The following HIPK3 variants were observed in gnomAD, a reference collection of about 807,000 sequenced individuals.
The protein encoded by HIPK3 is homeodomain interacting protein kinase 3.
Under a neutral mutation model 124.2 loss-of-function variants are expected in HIPK3, and 47 were observed. That is an observed-to-expected ratio of 0.38 (90% CI 0.30 to 0.48). The LOEUF (loss-of-function observed/expected upper bound fraction) is 0.48, where lower values mean the gene tolerates loss of function less well. HIPK3 is among the 20% of genes least tolerant of loss of function. The pLI is 0.98. For missense variants in HIPK3, 1,286 were observed against 1,454.3 expected, an observed-to-expected ratio of 0.88 and a Z score of 1.88; for synonymous variants, 482 against 515.2, an observed-to-expected ratio of 0.94 and a Z score of 0.87.
Position 33,306,354 on chromosome 11 carries a change from GA to G in HIPK3, c.1097+18849del, listed in dbSNP as rs879913019. The stretch of plus-strand genomic sequence containing the variant: ...ATACCATTTTCAAACAAAATACTTA[GA>G]AAAAATAAATTCATTGAGGGAATTT... On this transcript the variant is annotated intron_variant, in intron 2 of 16. Coordinates refer to ENST00000303296, the MANE Select transcript of HIPK3 (RefSeq NM_005734.5). Among the ~76,000 whole-genome samples, 11 of 152,070 alleles carry G rather than the reference GA, an allele frequency of 7.2e-5. 1 individual carries two copies. In the South Asian group the frequency reaches 8.3e-4, roughly 11 times the overall value.
chr11:33,345,452 A>T (rs924591597), intron 8 of HIPK3, among the ~76,000 whole-genome samples: 1 of 152,180 alleles, frequency 6.6e-6, no homozygotes, highest in African/African-American at 2.4e-5. Context: ...TTAAGATCTT[A>T]TCCCACTGTT....
intron 1 of HIPK3, among the ~76,000 whole-genome samples, chr11:33,282,986 G>A (rs532753152): frequency 8.5e-5 from 13 of 152,194 alleles, no homozygotes; most frequent in East Asian, 1.9e-4. Flanking sequence ...ACATATAGCC[G>A]GAGTTTTCAG....
At chr11:33,277,780 A>G (rs1426727762) in intron 1 of HIPK3, among the ~76,000 whole-genome samples, 1 of 152,200 alleles carries the variant, frequency 6.6e-6, no homozygotes, top group African/African-American at 2.4e-5. Context: ...ACCCTTGTAT[A>G]ACAGTTCCTG....
intron 2 of HIPK3, among the ~76,000 whole-genome samples, chr11:33,306,092 T>C (rs953114905): frequency 3.3e-5 from 5 of 152,206 alleles, no homozygotes; most frequent in African/African-American, 4.8e-5. Flanking sequence ...AGACATTTCG[T>C]CTAACTTAAT....
At chr11:33,324,002 C>T (rs961636081) in intron 2 of HIPK3, among the ~76,000 whole-genome samples, 2 of 152,202 alleles carry the variant, frequency 1.3e-5, no homozygotes, top group Non-Finnish European at 2.9e-5. Context: ...AGCACTGCCA[C>T]ATACACATGC....
At chr11:33,266,001 G>C (rs1013921622) in intron 1 of HIPK3, among the ~76,000 whole-genome samples, 2 of 147,754 alleles carry the variant, frequency 1.4e-5, no homozygotes, top group Admixed American at 1.4e-4. Context: ...GGAGAATGGC[G>C]TGAACCCGGG....
intron 5 of HIPK3, 48 bp downstream of exon 5, chr11:33,338,891 A>G: frequency 7.5e-7 from 1 of 1,326,542 alleles, no homozygotes; most frequent in Non-Finnish European, 1.1e-6. Context: ...TAGATGGTAG[A>G]CTTGAATGCC....
chr11:33,329,562 C>T (rs1852911730), intron 3 of HIPK3, among the ~76,000 whole-genome samples: 1 of 152,108 alleles, frequency 6.6e-6, no homozygotes. Flanking sequence ...CCTGAGATGA[C>T]TCTGTCATTT....
At chr11:33,339,205 T>G in intron 5 of HIPK3, 145 bp from the exon 6 acceptor site, 1 of 572,696 alleles carries the variant, frequency 1.7e-6, no homozygotes, top group East Asian at 2.7e-5. Context: ...TTTGTTAATA[T>G]TATTTGTTCT....
In HIPK3 at chr11:33,286,458, C is replaced by T. The variant is rs762680653; in HGVS notation, c.44C>T (p.Thr15Ile). The T allele has an allele frequency of 1.6e-5, 25 of 1,546,400 alleles. No individual in the cohort carries two copies. The highest frequency in any genetic ancestry group is 2.1e-5 in the Non-Finnish European group (24 of 1,142,996). The change falls in exon 2 of 17, where the codon ACT becomes ATT. Residue 15 changes from threonine (T) to isoleucine (I), a missense_variant. By Grantham distance (89) the Thr-to-Ile change is moderately conservative. Coordinates refer to ENST00000303296, the MANE Select transcript of HIPK3 (RefSeq NM_005734.5). ...GTCTACCCACCATATGTTTATCAAACTCAGTCAAGTGCCTTTTGTAGTGTG... is the reference window on the plus strand; with the variant it reads ...GTCTACCCACCATATGTTTATCAAATTCAGTCAAGTGCCTTTTGTAGTGTG... ...VLVYPPYVYQ[T>I]QSSAFCSVKK...
intron 8 of HIPK3, among the ~76,000 whole-genome samples, chr11:33,345,805 T>G (rs992795974): frequency 6.6e-6 from 1 of 152,114 alleles, no homozygotes; most frequent in African/African-American, 2.4e-5. Context: ...AATACCCTGG[T>G]ATGGTAGTAA....
At chr11:33,290,677 T>C (rs1246950362) in intron 2 of HIPK3, among the ~76,000 whole-genome samples, 1 of 151,936 alleles carries the variant, frequency 6.6e-6, no homozygotes, top group East Asian at 1.9e-4. Context: ...TCTGTCGGTT[T>C]ACTAAATCTT....
At chr11:33,312,454 A>C (rs1419028845) in intron 2 of HIPK3, among the ~76,000 whole-genome samples, 11 of 152,214 alleles carry the variant, frequency 7.2e-5, no homozygotes, top group Admixed American at 6.5e-5. Flanking sequence ...AATTTCATTT[A>C]AAATACAGAT....
chr11:33,329,526 T>C (rs1201331546), intron 3 of HIPK3, among the ~76,000 whole-genome samples: 1 of 152,142 alleles, frequency 6.6e-6, no homozygotes, highest in East Asian at 1.9e-4. Context: ...AAAAGAGAGG[T>C]AATTAATTTA....
At chr11:33,351,071 A>G (rs1348021366) in intron 14 of HIPK3, among the ~76,000 whole-genome samples, 1 of 152,190 alleles carries the variant, frequency 6.6e-6, no homozygotes, top group South Asian at 2.1e-4. Flanking sequence ...TCAGGGCCCA[A>G]GAGTGTCAGG....
chr11:33,338,972 T>A, intron 5 of HIPK3, 129 bp downstream of exon 5: 1 of 559,404 alleles, frequency 1.8e-6, no homozygotes. Context: ...GTTTTTCAAA[T>A]GAAACTGATT....
At position 33,355,572 on chromosome 11, in the gene HIPK3, C is replaced by T. The variant is rs1853793170; in HGVS notation, c.*2004C>T. ...TTTCTTTGATAAATGAATTGTATAC[C>T]ACTAGTACAGCTCTAGTACAGCGTT... On this transcript the variant is annotated 3_prime_UTR_variant, in exon 17 of 17. Transcript: ENST00000303296. 1 of 151,820 alleles carries T rather than the reference C, an allele frequency of 6.6e-6. No homozygotes were observed. The highest frequency in any genetic ancestry group is 1.5e-5 in the Non-Finnish European group (1 of 67,858). 9.4% of individuals were successfully genotyped at this position (151,820 alleles called of 1,614,324 possible). A position where few individuals can be genotyped will look rare whatever the true frequency, so the allele number is the denominator to read the frequency against.
rs1853673164 is a variant in HIPK3, at chr11:33,351,905, C to T, written c.3043+62C>T. 5 of 1,373,856 alleles carry T rather than the reference C, an allele frequency of 3.6e-6. No individual in the cohort carries two copies. In the East Asian group the frequency reaches 1.2e-4, roughly 33 times the overall value. The allele number at this position is 1,373,856 out of a possible 1,614,324, so 85.1% of individuals were successfully genotyped here. ...AAATACGGTCTTAATTTAGGAAAAT[C>T]TGAGAATGCAGTTGCCAAAGTCATC... On this transcript the variant is annotated intron_variant, in intron 15 of 16. Coordinates refer to ENST00000303296, the MANE Select transcript of HIPK3 (RefSeq NM_005734.5).
chr11:33,261,260 A>G (rs1251170761), intron 1 of HIPK3, among the ~76,000 whole-genome samples: 2 of 150,398 alleles, frequency 1.3e-5, no homozygotes, highest in Non-Finnish European at 3.0e-5. Context: ...CAGGTTTGTT[A>G]TATAGGTAAA....
Sources: allele counts gnomAD v4.1 joint callset (sites outside exome capture counted in the v4.1 genomes callset), GRCh38; gene constraint gnomAD v4.1.1; transcripts MANE v1.5; gene names NCBI Gene and HGNC (gene_info 2026-07-23, HGNC 2026-07-21).